HELZ: variants seen among roughly 807,000 people sequenced by gnomAD.
HELZ encodes the protein ATP-dependent RNA helicase with zinc finger domain.
HELZ carries 23 observed loss-of-function variants against 218.2 expected under a neutral mutation model. The ratio of observed to expected loss-of-function variants is 0.11; its 90% CI spans 0.08 to 0.15. The LOEUF (loss-of-function observed/expected upper bound fraction) is 0.15. HELZ is among the 10% of genes least tolerant of loss of function. The pLI, the probability that HELZ is intolerant of heterozygous loss-of-function variation, is 1.00. For missense variants in HELZ, 1,813 were observed against 2,353.7 expected (o/e 0.77, Z 4.75); for synonymous variants, 814 against 829.4 (o/e 0.98, Z 0.32).
At chr17:67,190,085 G>C in intron 10 of HELZ, 72 bp downstream of exon 10, 2 of 1,267,914 alleles carry the variant, frequency 1.6e-6, no homozygotes, top group Non-Finnish European at 2.3e-6. Flanking sequence ...CCAAAATAGA[G>C]CACACAATAA....
At chr17:67,118,809 C>T (rs1205101888) in intron 27 of HELZ, among the ~76,000 whole-genome samples, 1 of 144,804 alleles carries the variant, frequency 6.9e-6, no homozygotes, top group Non-Finnish European at 1.5e-5. Flanking sequence ...TAACTGAAGA[C>T]AATCAACCCA....
chr17:67,133,401 T>G (rs570363086), intron 23 of HELZ, among the ~76,000 whole-genome samples: 1 of 152,336 alleles, frequency 6.6e-6, no homozygotes, highest in South Asian at 2.1e-4. Flanking sequence ...CTCATGCAAT[T>G]CACAGTATAA....
At chr17:67,087,871 A>G (rs2036441804) in intron 31 of HELZ, among the ~76,000 whole-genome samples, 1 of 152,208 alleles carries the variant, frequency 6.6e-6, no homozygotes, top group African/African-American at 2.4e-5. Context: ...TGTTCTTGCC[A>G]GATACTTGTG....
intron 15 of HELZ, among the ~76,000 whole-genome samples, chr17:67,165,902 C>A (rs985789489): frequency 2.0e-5 from 3 of 152,088 alleles, no homozygotes; most frequent in African/African-American, 7.2e-5. Context: ...CAAGATAAGG[C>A]AGGAAGGTCT....
chr17:67,109,033 A>G (rs1425568970), intron 29 of HELZ, 83 bp downstream of exon 29: 3 of 1,180,496 alleles, frequency 2.5e-6, no homozygotes, highest in East Asian at 4.7e-5. Flanking sequence ...AAACAATTCA[A>G]TCTTAACCCA....
At chr17:67,079,498 T>G (rs2094032225) in intron 32 of HELZ, among the ~76,000 whole-genome samples, 1 of 152,264 alleles carries the variant, frequency 6.6e-6, no homozygotes, top group Non-Finnish European at 1.5e-5. Context: ...TTTCTAAATA[T>G]TCACGGCTCC....
intron 15 of HELZ, among the ~76,000 whole-genome samples, chr17:67,163,744 G>A (rs1024375432): frequency 1.7e-4 from 26 of 151,874 alleles, no homozygotes; most frequent in African/African-American, 6.3e-4. Context: ...ATGTTGCTGA[G>A]GCTGGACTCT....
chr17:67,159,149 T>C (rs1416875713), intron 17 of HELZ, among the ~76,000 whole-genome samples: 2 of 152,240 alleles, frequency 1.3e-5, no homozygotes, highest in Non-Finnish European at 2.9e-5. Flanking sequence ...TGAAGCAAAC[T>C]ATTTATTGAT....
intron 3 of HELZ, among the ~76,000 whole-genome samples, chr17:67,231,008 T>C (rs1742681270): frequency 6.6e-6 from 1 of 152,164 alleles, no homozygotes. Flanking sequence ...GTGAAATATG[T>C]AAGTATTGAA....
Position 67,109,447 on chromosome 17 carries a change from A to G in HELZ, c.4158T>C (p.Asn1386=). The G allele has an allele frequency of 6.2e-7, 1 of 1,614,162 alleles. No homozygotes were observed. ...QHTLLNQQQN[N]LPEQPNQIPP... is the part of the protein sequence containing the mutation. ...GTATCTGATTTGGTTGTTCAGGCAA[A>G]TTATTCTGCTGCTGATTTAACAAGG... The change falls in exon 29 of 33, where the codon AAT becomes AAC. Residue 1386 remains asparagine (N), a synonymous_variant. Transcript: ENST00000358691.
intron 4 of HELZ, among the ~76,000 whole-genome samples, chr17:67,216,137 C>T (rs1022762737): frequency 6.6e-6 from 1 of 152,136 alleles, no homozygotes; most frequent in Non-Finnish European, 1.5e-5. Flanking sequence ...ACTTCCTAGT[C>T]CATGGACCCC....
intron 3 of HELZ, among the ~76,000 whole-genome samples, chr17:67,230,993 T>C (rs1467675294): frequency 6.6e-6 from 1 of 152,196 alleles, no homozygotes; most frequent in Admixed American, 6.5e-5. Context: ...GGTCATCTCA[T>C]TTTTGTGAAA....
intron 31 of HELZ, among the ~76,000 whole-genome samples, chr17:67,096,116 G>C (rs1284674407): frequency 1.3e-5 from 2 of 152,082 alleles, no homozygotes; most frequent in East Asian, 3.9e-4. Flanking sequence ...ATTTTGAAAG[G>C]AATCTTTTTA....
chr17:67,108,510 A>C lies in HELZ; in HGVS notation c.4706T>G (p.Val1569Gly). ...GGAATACCTTGAGTATGTGGTCTCC[A>C]CTTCATCTTCGGCACTGCTGGTGAG... ...WKLTSSAEDE[V>G]ETTYSRFQDL... Residue 1569 changes from valine (V) to glycine (G), a missense_variant, in exon 30 of 33, where the codon GTG (valine) becomes GGG (glycine). By Grantham distance (109) the Val-to-Gly change is moderately radical. Coordinates refer to ENST00000358691, the MANE Select transcript of HELZ (RefSeq NM_014877.4). This position sits in a 1 kb window ranked among gnomAD's most constrained non-coding sequence, Gnocchi z 4.1. The C allele has an allele frequency of 6.2e-7, 1 of 1,613,986 alleles. No individual in the cohort carries two copies. Among genetic ancestry groups the C allele is most frequent in the Non-Finnish European group, 8.5e-7 (1 of 1,179,904 alleles).
At position 67,109,408 on chromosome 17, in the gene HELZ, A is replaced by G. The variant is rs879552549; in HGVS notation, c.4197T>C (p.Asn1399=). Residue 1399 remains asparagine, a synonymous_variant, in exon 29 of 33, where the codon AAT becomes AAC. Transcript: ENST00000358691. ...ACTGACTTTGCTGCTGGACTACCTGATTTGGCTGAGGTGGTATCTGATTTG... is the reference window on the plus strand; with the variant it reads ...ACTGACTTTGCTGCTGGACTACCTGGTTTGGCTGAGGTGGTATCTGATTTG... ...EQPNQIPPQP[N]QVVQQQSQLN... 14 of 1,613,982 alleles carry G rather than the reference A, an allele frequency of 8.7e-6. No individual in the cohort carries two copies. Among genetic ancestry groups the G allele is most frequent in the Non-Finnish European group, 1.1e-5 (13 of 1,180,036 alleles).
chr17:67,204,122 C>T (rs2040237754), intron 5 of HELZ, among the ~76,000 whole-genome samples: 1 of 152,170 alleles, frequency 6.6e-6, no homozygotes, highest in South Asian at 2.1e-4. Flanking sequence ...GTCCAAGGTT[C>T]TATTATTAGT....
chr17:67,228,119 T>C (rs1174810772), intron 3 of HELZ, among the ~76,000 whole-genome samples: 1 of 152,236 alleles, frequency 6.6e-6, no homozygotes, highest in Non-Finnish European at 1.5e-5. Flanking sequence ...AGAAGACTGA[T>C]GAGTTATGTT....
At chr17:67,235,703 C>T (rs1034974466) in intron 3 of HELZ, among the ~76,000 whole-genome samples, 1 of 150,666 alleles carries the variant, frequency 6.6e-6, no homozygotes, top group Non-Finnish European at 1.5e-5. Context: ...ATCTGTTCCC[C>T]TTCAAACACT....
At chr17:67,089,674 GAGAGAGAGAGAGAGAGAGAGAGAGAGAC>G (rs983723509) in intron 31 of HELZ, among the ~76,000 whole-genome samples, 2 of 72,474 alleles carry the variant, frequency 2.8e-5, no homozygotes, top group Non-Finnish European at 5.7e-5. Flanking sequence ...TATATAGAGA[GAGAGAGAGAGAGAGAGAGAGAGAGAGAC>G]AGAGAGACAG....
Sources: allele counts gnomAD v4.1 joint callset (sites outside exome capture counted in the v4.1 genomes callset), GRCh38; gene constraint gnomAD v4.1.1; non-coding constraint Gnocchi (gnomAD v3.1); transcripts MANE v1.5; gene names NCBI Gene and HGNC (gene_info 2026-07-23, HGNC 2026-07-21).